The following ZBTB20 variants were observed in gnomAD, a reference collection of about 807,000 sequenced individuals.
The protein encoded by ZBTB20 is zinc finger and BTB domain-containing protein 20.
Under a neutral mutation model 56.9 loss-of-function variants are expected in ZBTB20, and 9 were observed. The observed-to-expected ratio is 0.16, with a 90% CI of 0.10 to 0.28. The LOEUF is 0.28. Ranked by LOEUF, ZBTB20 falls within the 10% of genes least tolerant of loss-of-function variation. The pLI is 1.00. For synonymous variants in ZBTB20, 417 were observed against 420.7 expected, an observed-to-expected ratio of 0.99 and a Z score of 0.11; for missense variants, 655 against 1,003.0, an observed-to-expected ratio of 0.65 and a Z score of 4.69.
chr3:114,932,018 T>C (rs2107808636), intron 3 of ZBTB20, among the ~76,000 whole-genome samples: 1 of 152,354 alleles, frequency 6.6e-6, no homozygotes, highest in East Asian at 1.9e-4. Flanking sequence ...ACTCTGAAGC[T>C]TTTCTTCATT....
chr3:114,929,469 A>T (rs1051296803), intron 3 of ZBTB20, among the ~76,000 whole-genome samples: 4 of 152,248 alleles, frequency 2.6e-5, no homozygotes, highest in African/African-American at 9.6e-5. Context: ...ATGACAACAC[A>T]GCAAGAGCTT....
At chr3:114,792,592 G>C (rs1486139957) in intron 5 of ZBTB20, among the ~76,000 whole-genome samples, 1 of 152,134 alleles carries the variant, frequency 6.6e-6, no homozygotes, top group Non-Finnish European at 1.5e-5. Flanking sequence ...TACAGTAAGA[G>C]TTGGCTTTAG....
At chr3:114,530,071 A>T (rs1358944278) in intron 6 of ZBTB20, among the ~76,000 whole-genome samples, 2 of 152,380 alleles carry the variant, frequency 1.3e-5, no homozygotes, top group East Asian at 3.9e-4. Flanking sequence ...AGTGATCATA[A>T]CATCACAGCA....
intron 7 of ZBTB20, among the ~76,000 whole-genome samples, chr3:114,438,586 A>G (rs768224906): frequency 1.3e-5 from 2 of 152,292 alleles, no homozygotes; most frequent in African/African-American, 2.4e-5. Flanking sequence ...AGAAATCTTC[A>G]AAGAGTTTAA....
intron 6 of ZBTB20, among the ~76,000 whole-genome samples, chr3:114,592,728 C>A (rs1032158827): frequency 6.6e-6 from 1 of 152,166 alleles, no homozygotes; most frequent in Non-Finnish European, 1.5e-5. Flanking sequence ...TTATAGAGAA[C>A]CTTCCACTAA....
At chr3:114,467,060 CAGAA>C (rs2092584144) in intron 7 of ZBTB20, among the ~76,000 whole-genome samples, 1 of 152,152 alleles carries the variant, frequency 6.6e-6, no homozygotes. Flanking sequence ...GCAAGGGAAA[CAGAA>C]AGAGTCAAAG....
intron 7 of ZBTB20, among the ~76,000 whole-genome samples, chr3:114,493,015 A>G (rs1467894803): frequency 6.6e-6 from 1 of 152,184 alleles, no homozygotes; most frequent in Non-Finnish European, 1.5e-5. Context: ...CTTTATAGCA[A>G]CACTCACCTC....
At chr3:114,434,558 T>TTGTGTGTGTGTGTGTGTGTGTGTG (rs71146320) in intron 7 of ZBTB20, among the ~76,000 whole-genome samples, 18 of 145,936 alleles carry the variant, frequency 1.2e-4, no homozygotes, top group African/African-American at 2.8e-4. Context: ...GTGTGTGTGT[T>TTGTGTGTGTGTGTGTGTGTGTGTG]TGTGTGTGTG....
intron 5 of ZBTB20, among the ~76,000 whole-genome samples, chr3:114,777,680 G>A (rs980923894): frequency 3.9e-5 from 6 of 152,058 alleles, no homozygotes; most frequent in Admixed American, 6.5e-5. Context: ...TGTGGAAGTC[G>A]GTGTGGCGAT....
chr3:114,408,169 C>T (rs886619697), intron 7 of ZBTB20, among the ~76,000 whole-genome samples: 1 of 152,118 alleles, frequency 6.6e-6, no homozygotes, highest in Non-Finnish European at 1.5e-5. Context: ...CCCATGTAAT[C>T]TATTTGTTAA....
At chr3:114,443,627 C>T (rs2091072270) in intron 7 of ZBTB20, among the ~76,000 whole-genome samples, 1 of 152,094 alleles carries the variant, frequency 6.6e-6, no homozygotes, top group African/African-American at 2.4e-5. Flanking sequence ...TCATTGTGTT[C>T]ATTGCATGAG....
intron 6 of ZBTB20, among the ~76,000 whole-genome samples, chr3:114,577,783 T>C (rs529003045): frequency 3.4e-4 from 52 of 152,326 alleles, no homozygotes; most frequent in African/African-American, 1.2e-3. Flanking sequence ...GATACAGCAT[T>C]ATGATAAAAT....
At chr3:114,561,674 A>G (rs949178035) in intron 6 of ZBTB20, among the ~76,000 whole-genome samples, 7 of 152,062 alleles carry the variant, frequency 4.6e-5, no homozygotes, top group African/African-American at 1.4e-4. Flanking sequence ...TGGCTTTATT[A>G]TTCCATTTAT....
At chr3:114,793,550 T>A (rs2071126113) in intron 5 of ZBTB20, among the ~76,000 whole-genome samples, 1 of 152,154 alleles carries the variant, frequency 6.6e-6, no homozygotes, top group African/African-American at 2.4e-5. Flanking sequence ...GGACATTACA[T>A]TTATTTCCAG....
intron 4 of ZBTB20, among the ~76,000 whole-genome samples, chr3:114,893,929 G>C (rs1027670736): frequency 2.0e-5 from 3 of 152,124 alleles, no homozygotes; most frequent in Non-Finnish European, 2.9e-5. Flanking sequence ...GAAGACAATT[G>C]TCAGTAAAAA....
At chr3:114,739,740 A>G (rs1053819964) in intron 5 of ZBTB20, among the ~76,000 whole-genome samples, 9 of 152,216 alleles carry the variant, frequency 5.9e-5, no homozygotes, top group Admixed American at 5.2e-4. Context: ...ACTGATATAC[A>G]GTGAAGTTAA....
In ZBTB20 at chr3:114,333,315, T is replaced by G. The variant is rs555134103; in HGVS notation, c.*5690A>C. The G allele has an allele frequency of 6.6e-6, 1 of 152,358 alleles. No individual in the cohort carries two copies. The highest frequency in any genetic ancestry group is 6.5e-5 in the Admixed American group (1 of 15,296). The allele number at this position is 152,358 out of a possible 1,614,324, so 9.4% of individuals were successfully genotyped here. On this transcript the variant is annotated 3_prime_UTR_variant, in exon 12 of 12. Transcript: ENST00000675478. ...TACTCTCTCTCAAGAGCAAGGGCTC[T>G]TCCGTGCCCCTTTTCTGCCTCTGTA...
intron 7 of ZBTB20, among the ~76,000 whole-genome samples, chr3:114,459,948 G>A (rs1391547803): frequency 6.6e-6 from 1 of 152,000 alleles, no homozygotes; most frequent in African/African-American, 2.4e-5. Context: ...TTTAGGAACA[G>A]CCTGACAGAT....
intron 5 of ZBTB20, among the ~76,000 whole-genome samples, chr3:114,736,507 T>G (rs1445922704): frequency 6.6e-6 from 1 of 152,162 alleles, no homozygotes; most frequent in Non-Finnish European, 1.5e-5. Context: ...TCAGATAGGA[T>G]TGTAGGCGTT....
Sources: gnomAD v4.1 joint callset for allele counts (sites outside exome capture counted in the v4.1 genomes callset) on GRCh38, gnomAD v4.1.1 for gene constraint, MANE v1.5 for transcripts, NCBI Gene and HGNC (gene_info 2026-07-23, HGNC 2026-07-21) for gene names.